PCDHGA2: variants seen among roughly 807,000 people sequenced by gnomAD.
The protein encoded by PCDHGA2 is protocadherin gamma subfamily A, 2, also known as protocadherin gamma-A2.
PCDHGA2 carries 40 observed loss-of-function variants against 59.2 expected under a neutral mutation model. The observed-to-expected ratio is 0.68, with a 90% CI of 0.52 to 0.88. PCDHGA2 has a LOEUF of 0.88. Ranked by LOEUF, PCDHGA2 falls within the 40% of genes least tolerant of loss-of-function variation. PCDHGA2 has a pLI of 0.00. For synonymous variants in PCDHGA2, 560 were observed against 526.0 expected (o/e 1.06, Z -0.89); for missense variants, 1,226 against 1,204.0 (o/e 1.02, Z -0.27).
chr5:141,422,205 A>G (rs758255761), intron 1 of PCDHGA2: 2 of 1,562,218 alleles, frequency 1.3e-6, no homozygotes, highest in Non-Finnish European at 1.7e-6. Flanking sequence ...AAGATGGTGG[A>G]GGTCTCTTTA....
At chr5:141,364,723 G>C in intron 1 of PCDHGA2, 1 of 1,613,938 alleles carries the variant, frequency 6.2e-7, no homozygotes. Flanking sequence ...ATAACTTCCC[G>C]CGTTTCCGGG....
Position 141,511,843 on chromosome 5 carries a change from GT to G in PCDHGA2, c.*674del, listed in dbSNP as rs1413398495. On this transcript the variant is annotated 3_prime_UTR_variant, in exon 4 of 4. Coordinates refer to ENST00000394576, the MANE Select transcript of PCDHGA2 (RefSeq NM_018915.4). ...CCAACGCCCTGGGGACCAGTCTTCT[GT>G]TTTGTTTTTCATTGTTTGACGTTTC... 1 of 156,550 alleles carries G rather than the reference GT, an allele frequency of 6.4e-6. No individual in the cohort carries two copies. The highest frequency in any genetic ancestry group is 2.4e-5 in the African/African-American group (1 of 41,452). The allele number at this position is 156,550 out of a possible 1,614,324, so 9.7% of individuals were successfully genotyped here. A position where few individuals can be genotyped will look rare whatever the true frequency, so the allele number is the denominator to read the frequency against.
intron 1 of PCDHGA2, among the ~76,000 whole-genome samples, chr5:141,397,514 A>G (rs537343615): frequency 1.3e-5 from 2 of 152,324 alleles, no homozygotes; most frequent in Non-Finnish European, 2.9e-5. Context: ...TTGTTTCCAT[A>G]GCTAATAAAA....
At chr5:141,414,155 A>G in intron 1 of PCDHGA2, 1 of 1,601,706 alleles carries the variant, frequency 6.2e-7, no homozygotes, top group Non-Finnish European at 8.5e-7. Context: ...CAAGCAGAAG[A>G]TGGAGGAGCA....
chr5:141,404,002 A>T, intron 1 of PCDHGA2: 1 of 1,613,928 alleles, frequency 6.2e-7, no homozygotes, highest in Non-Finnish European at 8.5e-7. Flanking sequence ...TGACCATTAC[A>T]TCTCTGTTTA....
intron 1 of PCDHGA2, chr5:141,346,506 G>A (rs768849067): frequency 1.2e-6 from 2 of 1,609,240 alleles, no homozygotes; most frequent in Non-Finnish European, 1.7e-6. Flanking sequence ...TGAGAATGTG[G>A]TTATTATAAA....
chr5:141,411,573 GA>G (rs2095500797), intron 1 of PCDHGA2: 1 of 152,244 alleles, frequency 6.6e-6, no homozygotes, highest in Middle Eastern at 3.4e-3. Flanking sequence ...GACAGAGTGC[GA>G]CCCTGTCTCT....
intron 1 of PCDHGA2, among the ~76,000 whole-genome samples, chr5:141,488,571 A>G (rs2099677106): frequency 6.6e-6 from 1 of 152,194 alleles, no homozygotes; most frequent in East Asian, 1.9e-4. Flanking sequence ...TCCGCAAAGC[A>G]TTGCTGGAGA....
At chr5:141,413,407 CTT>C (rs758693256) in intron 1 of PCDHGA2, 1 of 1,613,926 alleles carries the variant, frequency 6.2e-7, no homozygotes, top group Non-Finnish European at 8.5e-7. Context: ...TAGGACGCAG[CTT>C]TTCTCTCTGA....
chr5:141,427,930 T>C, intron 1 of PCDHGA2: 2 of 1,583,398 alleles, frequency 1.3e-6, no homozygotes. Flanking sequence ...CGGCGCATGT[T>C]GGTGGGCGAC....
rs1225265096 is a variant in PCDHGA2 at position 141,490,666 on chromosome 5, G to A, written c.2425-4141G>A. Reference sequence around the variant, plus strand: ...GCCTCCGGGCTCCCTTCTTTGCACTGTGGCTGCCTCAGATCCAGACACTGG... The same window carrying A: ...GCCTCCGGGCTCCCTTCTTTGCACTATGGCTGCCTCAGATCCAGACACTGG... On this transcript the variant is annotated intron_variant, in intron 1 of 3. Coordinates refer to ENST00000394576, the MANE Select transcript of PCDHGA2 (RefSeq NM_018915.4). The surrounding 1 kb of genome is among the most constrained non-coding windows in gnomAD (Gnocchi z 5.4). The A allele has an allele frequency of 1.2e-6, 2 of 1,614,134 alleles. No homozygotes were observed. The highest frequency in any genetic ancestry group is 3.3e-5 in the Admixed American group (2 of 60,026).
intron 1 of PCDHGA2, among the ~76,000 whole-genome samples, chr5:141,364,051 A>G (rs1322889725): frequency 6.6e-6 from 1 of 152,262 alleles, no homozygotes; most frequent in African/African-American, 2.4e-5. Flanking sequence ...ATTATTAGAA[A>G]TAAAATTATA....
intron 1 of PCDHGA2, chr5:141,366,800 C>G (rs1243230147): frequency 1.3e-6 from 2 of 1,565,118 alleles, no homozygotes; most frequent in African/African-American, 2.7e-5. Flanking sequence ...TCATTTGTTT[C>G]CTTTTTCATG....
At position 141,489,644 on chromosome 5, in the gene PCDHGA2, C is replaced by T. The variant is rs1244782345; in HGVS notation, c.2425-5163C>T. 11 of 1,614,070 alleles carry T rather than the reference C, an allele frequency of 6.8e-6. No individual in the cohort carries two copies. The Admixed American group carries it at 1.8e-4, about 27-fold the overall frequency. ...AATGACAACTCTCCTAGCTTTGCCA[C>T]CCCTGAGCGAGAGATGCGCATCTCA... is the stretch of plus-strand genomic sequence containing the variant. On this transcript the variant is annotated intron_variant, in intron 1 of 3. Coordinates refer to ENST00000394576, the MANE Select transcript of PCDHGA2 (RefSeq NM_018915.4). The surrounding 1 kb of genome is among the most constrained non-coding windows in gnomAD (Gnocchi z 4.5).
At chr5:141,359,102 AT>A (rs572394227) in intron 1 of PCDHGA2, among the ~76,000 whole-genome samples, 16 of 152,350 alleles carry the variant, frequency 1.1e-4, no homozygotes, top group African/African-American at 3.6e-4. Flanking sequence ...ATGGTTTTGT[AT>A]TCATAGAAAG....
At position 141,341,325 on chromosome 5, in the gene PCDHGA2, G is replaced by A; in HGVS notation, c.2354G>A (p.Cys785Tyr). The A allele has an allele frequency of 6.2e-7, 1 of 1,614,254 alleles. No homozygotes were observed. The highest frequency in any genetic ancestry group is 8.5e-7 in the Non-Finnish European group (1 of 1,180,040). The stretch of plus-strand genomic sequence containing the variant: ...GACACGCTCATCAGCCAGGAGAGCT[G>A]TGAGAAAAAGGATTTTTTATCAGCG... ...YADTLISQES[C>Y]EKKDFLSAPQ... The change falls in exon 1 of 4, where the codon TGT becomes TAT. Residue 785 changes from cysteine (C) to tyrosine (Y), a missense_variant. By Grantham distance (194) the Cys-to-Tyr change is radical. Coordinates refer to ENST00000394576, the MANE Select transcript of PCDHGA2 (RefSeq NM_018915.4).
intron 2 of PCDHGA2, among the ~76,000 whole-genome samples, chr5:141,501,049 A>G (rs1458722311): frequency 1.3e-5 from 2 of 151,844 alleles, no homozygotes; most frequent in African/African-American, 2.4e-5. Flanking sequence ...TTGTATTTTT[A>G]GTAGAGACGG....
Position 141,371,428 on chromosome 5 carries a change from C to T in PCDHGA2, c.2424+30033C>T, listed in dbSNP as rs763264073. On this transcript the variant is annotated intron_variant, in intron 1 of 3. Coordinates refer to ENST00000394576, the MANE Select transcript of PCDHGA2 (RefSeq NM_018915.4). ...ATTTCAGATGAAAATGACAATGCCCCGGAGATAACCCTGGCTTCTGAATCC... is the reference window on the plus strand; with the variant it reads ...ATTTCAGATGAAAATGACAATGCCCTGGAGATAACCCTGGCTTCTGAATCC... 3.7e-6 allele frequency: 6 copies of T among 1,613,772 alleles called. No individual in the cohort carries two copies. The African/African-American group carries it at 5.3e-5, about 14-fold the overall frequency.
At position 141,490,979 on chromosome 5, in the gene PCDHGA2, C is replaced by T. The variant is rs1217345302; in HGVS notation, c.2425-3828C>T. 6.2e-7 allele frequency: 1 copy of T among 1,614,086 alleles called. No individual in the cohort carries two copies. The highest frequency in any genetic ancestry group is 8.5e-7 in the Non-Finnish European group (1 of 1,180,014). ...GAACACTCAGCCCCCCAGCGTCTCC[C>T]TCGCTCTGCTCCTCCTGGCTCCTTG... On this transcript the variant is annotated intron_variant, in intron 1 of 3. Transcript: ENST00000394576. This position sits in a 1 kb window ranked among gnomAD's most constrained non-coding sequence, Gnocchi z 5.4.
Sources: allele counts gnomAD v4.1 joint callset (sites outside exome capture counted in the v4.1 genomes callset), GRCh38; gene constraint gnomAD v4.1.1; non-coding constraint Gnocchi (gnomAD v3.1); transcripts MANE v1.5; gene names NCBI Gene and HGNC (gene_info 2026-07-23, HGNC 2026-07-21).